Variants in FGF14 observed in about 807,000 individuals in gnomAD.
FGF14 encodes fibroblast growth factor 14.
Under a neutral mutation model 25.5 loss-of-function variants are expected in FGF14, and 5 were observed. The observed-to-expected ratio is 0.20, with a 90% CI of 0.10 to 0.41. The LOEUF (loss-of-function observed/expected upper bound fraction) is 0.41, where lower values mean the gene tolerates loss of function less well. Among genes scored for constraint, FGF14 ranks in the 10% least tolerant of loss-of-function variants. The pLI, the probability that FGF14 is intolerant of heterozygous loss-of-function variation, is 1.00. For missense variants in FGF14, 222 were observed against 320.1 expected (o/e 0.69, Z 2.34); for synonymous variants, 138 against 118.3 (o/e 1.17, Z -1.08).
At chr13:102,273,944 CAA>C (rs10627893) in intron 1 of FGF14, among the ~76,000 whole-genome samples, 23 of 121,406 alleles carry the variant, frequency 1.9e-4, no homozygotes, top group African/African-American at 3.3e-4. Flanking sequence ...GACCCTGTCT[CAA>C]AAAAAAAAAA....
At chr13:102,316,817 A>T (rs1378027222) in intron 1 of FGF14, among the ~76,000 whole-genome samples, 1 of 152,196 alleles carries the variant, frequency 6.6e-6, no homozygotes, top group Non-Finnish European at 1.5e-5. Flanking sequence ...AACCTCTGAA[A>T]CACCTGAGAA....
chr13:102,213,776 C>T (rs1024796511), intron 1 of FGF14, among the ~76,000 whole-genome samples: 1 of 152,162 alleles, frequency 6.6e-6, no homozygotes, highest in Non-Finnish European at 1.5e-5. Flanking sequence ...AGTGAGAAAA[C>T]ACTATATACC....
At chr13:102,111,827 T>C (rs1366801371) in intron 1 of FGF14, among the ~76,000 whole-genome samples, 1 of 151,380 alleles carries the variant, frequency 6.6e-6, no homozygotes, top group East Asian at 1.9e-4. Context: ...ATAAATCCAG[T>C]CCTTCAGGAG....
chr13:102,073,772 TA>T (rs2043242629), intron 1 of FGF14, among the ~76,000 whole-genome samples: 1 of 152,208 alleles, frequency 6.6e-6, no homozygotes, highest in South Asian at 2.1e-4. Context: ...TTAACATGTT[TA>T]AAACTCTGTA....
At chr13:102,023,128 G>T (rs948042445) in intron 1 of FGF14, among the ~76,000 whole-genome samples, 4 of 151,724 alleles carry the variant, frequency 2.6e-5, no homozygotes, top group African/African-American at 7.3e-5. Flanking sequence ...GCTAGGTAGT[G>T]TCTAACTGAT....
At chr13:101,843,089 A>T (rs2043271334) in intron 3 of FGF14, among the ~76,000 whole-genome samples, 1 of 152,076 alleles carries the variant, frequency 6.6e-6, no homozygotes, top group Non-Finnish European at 1.5e-5. Context: ...TTGCATCTCT[A>T]ATTAGGGGTG....
At chr13:101,950,246 T>C (rs1186490084) in intron 1 of FGF14, among the ~76,000 whole-genome samples, 1 of 152,104 alleles carries the variant, frequency 6.6e-6, no homozygotes, top group African/African-American at 2.4e-5. Flanking sequence ...AAACCCAACA[T>C]AAATTTCTAA....
intron 1 of FGF14, among the ~76,000 whole-genome samples, chr13:101,969,983 C>A (rs1195684532): frequency 6.6e-6 from 1 of 152,182 alleles, no homozygotes; most frequent in Non-Finnish European, 1.5e-5. Context: ...TCTCTTCTGG[C>A]CTTATTGTCA....
At chr13:102,202,576 A>T (rs1232703439) in intron 1 of FGF14, among the ~76,000 whole-genome samples, 1 of 152,200 alleles carries the variant, frequency 6.6e-6, no homozygotes, top group African/African-American at 2.4e-5. Flanking sequence ...TTGGGGGAAA[A>T]AGTCCTTTGC....
chr13:101,854,698 T>G (rs1308633017), intron 3 of FGF14, among the ~76,000 whole-genome samples: 1 of 152,102 alleles, frequency 6.6e-6, no homozygotes, highest in South Asian at 2.1e-4. Context: ...GTGCTGGTCC[T>G]ATTGCCAACT....
At chr13:102,134,545 A>G (rs1007313246) in intron 1 of FGF14, among the ~76,000 whole-genome samples, 1 of 152,234 alleles carries the variant, frequency 6.6e-6, no homozygotes, top group Non-Finnish European at 1.5e-5. Context: ...CTTTGCACAC[A>G]ATAGAGTTAA....
intron 3 of FGF14, among the ~76,000 whole-genome samples, chr13:101,863,815 G>A (rs1385813218): frequency 6.6e-6 from 1 of 152,070 alleles, no homozygotes; most frequent in Non-Finnish European, 1.5e-5. Flanking sequence ...TAGAATTATA[G>A]ATCCTGCAAG....
At chr13:102,145,705 CTA>C (rs1235574139) in intron 1 of FGF14, among the ~76,000 whole-genome samples, 1 of 152,116 alleles carries the variant, frequency 6.6e-6, no homozygotes, top group Non-Finnish European at 1.5e-5. Flanking sequence ...TCCCCAACAG[CTA>C]TGTTAGGCCC....
At chr13:101,969,406 A>T (rs1169266069) in intron 1 of FGF14, among the ~76,000 whole-genome samples, 1 of 151,810 alleles carries the variant, frequency 6.6e-6, no homozygotes, top group Admixed American at 6.6e-5. Flanking sequence ...TACTAAAAAT[A>T]ACAAAAAAAA....
chr13:101,775,293 G>A (rs1184248025), intron 3 of FGF14, among the ~76,000 whole-genome samples: 1 of 152,120 alleles, frequency 6.6e-6, no homozygotes, highest in East Asian at 1.9e-4. Flanking sequence ...GTTGTCAAAT[G>A]CATTAACCCA....
chr13:101,849,810 T>G lies in FGF14; in HGVS notation c.408+18915A>C, dbSNP rs368267535. ...CTGAAAATGTTCCTCCTGGGAGTCA[T>G]GAGCACCAGGTCAAACTCCAGCTCT... On this transcript the variant is annotated intron_variant, in intron 3 of 4. Coordinates refer to ENST00000376143, the MANE Select transcript of FGF14 (RefSeq NM_004115.4). Among the ~76,000 whole-genome samples, 5 of 152,008 alleles carry G rather than the reference T, an allele frequency of 3.3e-5. No homozygotes were observed. The South Asian group carries it at 8.3e-4, about 25-fold the overall frequency.
intron 1 of FGF14, among the ~76,000 whole-genome samples, chr13:102,338,992 A>G (rs547098557): frequency 1.1e-3 from 153 of 142,734 alleles, no homozygotes; most frequent in African/African-American, 3.9e-3. Flanking sequence ...CCTGGGCAAC[A>G]GAGTAAGACT....
intron 1 of FGF14, among the ~76,000 whole-genome samples, chr13:102,216,927 C>G (rs1405417402): frequency 6.6e-6 from 1 of 152,178 alleles, no homozygotes; most frequent in Admixed American, 6.5e-5. Context: ...CTAAACCTGG[C>G]TGATTTCACT....
Position 101,963,511 on chromosome 13 carries a change from A to T in FGF14, c.209-88215T>A, listed in dbSNP as rs375368713. On this transcript the variant is annotated intron_variant, in intron 1 of 4. Coordinates refer to the FGF14 transcript ENST00000376131. ...TCATTCCCATCCTTAACTGTGCCCC[A>T]CTCTGCCGGAAGTTCCTTGTTTTTC... Among the ~76,000 whole-genome samples, 54 of 152,028 alleles carry T rather than the reference A, an allele frequency of 3.6e-4. 1 individual carries two copies. Among genetic ancestry groups the T allele is most frequent in the African/African-American group, 1.2e-3 (50 of 41,458 alleles).
Sources: gnomAD v4.1 joint callset for allele counts (sites outside exome capture counted in the v4.1 genomes callset) on GRCh38, gnomAD v4.1.1 for gene constraint, MANE v1.5 for transcripts, NCBI Gene and HGNC (gene_info 2026-07-23, HGNC 2026-07-21) for gene names.